Variants in THSD7A observed in about 807,000 individuals in gnomAD.
THSD7A encodes the protein thrombospondin type 1 domain containing 7A, also known as thrombospondin type-1 domain-containing protein 7A.
THSD7A carries 96 observed loss-of-function variants against 231.3 expected under a neutral mutation model. The observed-to-expected ratio is 0.41, with a 90% CI of 0.35 to 0.49. The LOEUF (loss-of-function observed/expected upper bound fraction) is 0.49. Ranked by LOEUF, THSD7A falls within the 20% of genes least tolerant of loss-of-function variation. The pLI is 0.05. For synonymous variants in THSD7A, 940 were observed against 743.3 expected (o/e 1.26, Z -4.30); for missense variants, 2,290 against 2,070.2 (o/e 1.11, Z -2.06).
chr7:11,758,754 T>G (rs2128167299), intron 1 of THSD7A, among the ~76,000 whole-genome samples: 1 of 152,226 alleles, frequency 6.6e-6, no homozygotes, highest in East Asian at 1.9e-4. Context: ...TGGCTTAAAC[T>G]AGTGGTTATC....
chr7:11,459,723 CT>C, intron 11 of THSD7A, among the ~76,000 whole-genome samples: 1 of 14,298 alleles, frequency 7.0e-5, no homozygotes, highest in South Asian at 2.2e-3. Context: ...GCATTTTTTT[CT>C]TAAAAAGGCA....
At chr7:11,670,100 C>T (rs754041422) in intron 1 of THSD7A, among the ~76,000 whole-genome samples, 20 of 152,066 alleles carry the variant, frequency 1.3e-4, no homozygotes, top group Non-Finnish European at 5.9e-5. Context: ...GAAGAAAGGA[C>T]CCTAAACAAA....
intron 1 of THSD7A, among the ~76,000 whole-genome samples, chr7:11,754,693 T>C (rs1444833307): frequency 6.6e-6 from 1 of 152,146 alleles, no homozygotes; most frequent in Non-Finnish European, 1.5e-5. Context: ...AAAAACTTTC[T>C]ATTTCAATTG....
intron 1 of THSD7A, among the ~76,000 whole-genome samples, chr7:11,673,186 C>T (rs963553534): frequency 6.6e-6 from 1 of 152,042 alleles, no homozygotes; most frequent in Admixed American, 6.6e-5. Flanking sequence ...GGCCCCTGCA[C>T]CCAGATTGGA....
intron 1 of THSD7A, among the ~76,000 whole-genome samples, chr7:11,743,377 G>A (rs1583247623): frequency 6.6e-6 from 1 of 151,748 alleles, no homozygotes; most frequent in African/African-American, 2.4e-5. Flanking sequence ...ACCTTGACCT[G>A]AGACATCAAA....
At chr7:11,599,662 A>G (rs1034993047) in intron 2 of THSD7A, among the ~76,000 whole-genome samples, 2 of 152,116 alleles carry the variant, frequency 1.3e-5, no homozygotes, top group Middle Eastern at 6.3e-3. Flanking sequence ...TGACCTTACT[A>G]TTGTCTTTAT....
Position 11,537,335 on chromosome 7 carries a change from T to A in THSD7A, c.1822+4084A>T, listed in dbSNP as rs1788954300. Among the ~76,000 whole-genome samples, 3 of 152,294 alleles carry A rather than the reference T, an allele frequency of 2.0e-5. No individual in the cohort carries two copies. In the South Asian group the frequency reaches 6.2e-4, roughly 32 times the overall value. On this transcript the variant is annotated intron_variant, in intron 6 of 27. Coordinates refer to ENST00000423059, the MANE Select transcript of THSD7A (RefSeq NM_015204.3). ...GGATATGTGTCCCCACTAAATCTTA[T>A]ATTGAAATGTAATCCCCACTGTTGG...
At chr7:11,541,396 C>T (rs1392259605) in intron 6 of THSD7A, 23 bp downstream of exon 6, 2 of 1,611,254 alleles carry the variant, frequency 1.2e-6, no homozygotes, top group South Asian at 2.2e-5. Context: ...TCCATAAAAA[C>T]ATAATAGATA....
chr7:11,407,456 T>A (rs767338503), intron 19 of THSD7A, 33 bp from the exon 20 acceptor site: 3 of 1,535,564 alleles, frequency 2.0e-6, no homozygotes, highest in Admixed American at 1.8e-5. Flanking sequence ...GGATGTATAT[T>A]GTAAATTGGG....
Position 11,682,723 on chromosome 7 carries a change from T to C in THSD7A, c.191-45762A>G, listed in dbSNP as rs530462374. Among the ~76,000 whole-genome samples the C allele has an allele frequency of 5.3e-5, 8 of 152,106 alleles. No homozygotes were observed. The South Asian group carries it at 1.7e-3, about 32-fold the overall frequency. ...TCAAGGTATAAAACTAACCAAGATA[T>C]CCTGGTCTTAAATTTGACACTTGAC... On this transcript the variant is annotated intron_variant, in intron 1 of 27. Transcript: ENST00000423059.
chr7:11,681,738 A>T (rs1303379997), intron 1 of THSD7A, among the ~76,000 whole-genome samples: 2 of 152,042 alleles, frequency 1.3e-5, no homozygotes, highest in Admixed American at 6.6e-5. Flanking sequence ...AAATGTTGAC[A>T]TGCGAGTACA....
At chr7:11,659,952 G>A (rs1026680273) in intron 1 of THSD7A, among the ~76,000 whole-genome samples, 1 of 151,410 alleles carries the variant, frequency 6.6e-6, no homozygotes, top group Non-Finnish European at 1.5e-5. Context: ...TCTCAGGCCT[G>A]ACCTCAGACC....
At chr7:11,631,411 G>A (rs1384248671) in intron 2 of THSD7A, among the ~76,000 whole-genome samples, 2 of 151,846 alleles carry the variant, frequency 1.3e-5, no homozygotes, top group Non-Finnish European at 2.9e-5. Context: ...TACCTTATGT[G>A]GTAATAACTG....
At chr7:11,416,217 G>A (rs146696446) in intron 17 of THSD7A, among the ~76,000 whole-genome samples, 156 of 152,210 alleles carry the variant, frequency 1.0e-3, no homozygotes, top group East Asian at 0.01. Context: ...CTTCTAAGAT[G>A]ATTATCCTTG....
At chr7:11,418,300 G>T (rs544927369) in intron 16 of THSD7A, among the ~76,000 whole-genome samples, 9 of 152,240 alleles carry the variant, frequency 5.9e-5, no homozygotes, top group Non-Finnish European at 8.8e-5. Context: ...TGAAAAAATT[G>T]TTAGTTTGTG....
intron 4 of THSD7A, among the ~76,000 whole-genome samples, chr7:11,568,783 C>T (rs186020355): frequency 1.1e-3 from 166 of 151,696 alleles, no homozygotes; most frequent in Non-Finnish European, 1.8e-3. Flanking sequence ...GGAAGTCAAA[C>T]TGTCCCTCTT....
chr7:11,750,775 C>A (rs1396440080), intron 1 of THSD7A, among the ~76,000 whole-genome samples: 1 of 151,928 alleles, frequency 6.6e-6, no homozygotes, highest in Admixed American at 6.6e-5. Context: ...AAATAAAGGA[C>A]AAATTTGCAA....
chr7:11,662,564 T>TAC (rs1334986947), intron 1 of THSD7A, among the ~76,000 whole-genome samples: 3 of 151,404 alleles, frequency 2.0e-5, no homozygotes, highest in South Asian at 4.1e-4. Flanking sequence ...ATAATTGGCA[T>TAC]ACACACACAC....
intron 2 of THSD7A, among the ~76,000 whole-genome samples, chr7:11,631,886 T>C (rs1781669189): frequency 6.6e-6 from 1 of 152,176 alleles, no homozygotes; most frequent in Non-Finnish European, 1.5e-5. Context: ...TGGCCTCCTG[T>C]AAATTTTATT....
Sources: gnomAD v4.1 joint callset for allele counts (sites outside exome capture counted in the v4.1 genomes callset) on GRCh38, gnomAD v4.1.1 for gene constraint, MANE v1.5 for transcripts, NCBI Gene and HGNC (gene_info 2026-07-23, HGNC 2026-07-21) for gene names.